Variants in STOX2 observed in about 807,000 individuals in gnomAD.
STOX2 encodes the protein storkhead box 2.
In STOX2, 28 loss-of-function variants were observed where a neutral mutation model predicts 60.9. The observed-to-expected ratio is 0.46, with a 90% confidence interval of 0.34 to 0.63. The LOEUF (loss-of-function observed/expected upper bound fraction) is 0.63, where lower values mean the gene tolerates loss of function less well. STOX2 is among the 30% of genes least tolerant of loss of function. STOX2 has a pLI of 0.01. For synonymous variants in STOX2, 472 were observed against 463.9 expected, an observed-to-expected ratio of 1.02 and a Z score of -0.22; for missense variants, 1,024 against 1,187.7, an observed-to-expected ratio of 0.86 and a Z score of 2.03.
chr4:183,993,317 C>T (rs1037218440), intron 1 of STOX2, among the ~76,000 whole-genome samples: 5 of 152,230 alleles, frequency 3.3e-5, no homozygotes, highest in African/African-American at 1.2e-4. Context: ...TAATTCGTTA[C>T]TTCACATAGT....
At chr4:183,933,110 T>C (rs1355224454) in intron 1 of STOX2, among the ~76,000 whole-genome samples, 1 of 152,238 alleles carries the variant, frequency 6.6e-6, no homozygotes, top group Non-Finnish European at 1.5e-5. Context: ...AGCCAGTGTT[T>C]ACATTTTTAA....
At chr4:184,006,425 G>A (rs1006900267) in intron 2 of STOX2, among the ~76,000 whole-genome samples, 13 of 152,018 alleles carry the variant, frequency 8.6e-5, no homozygotes, top group Admixed American at 2.6e-4. Flanking sequence ...GGTATATTCC[G>A]TGTCAGTGGT....
At chr4:183,930,618 A>G (rs1012792511) in intron 1 of STOX2, among the ~76,000 whole-genome samples, 26 of 151,784 alleles carry the variant, frequency 1.7e-4, no homozygotes, top group African/African-American at 6.1e-4. Flanking sequence ...TCAGCCTCCC[A>G]AAGTGCTGAG....
intron 1 of STOX2, among the ~76,000 whole-genome samples, chr4:183,918,670 A>T (rs1005466912): frequency 6.6e-6 from 1 of 152,214 alleles, no homozygotes; most frequent in East Asian, 1.9e-4. Context: ...CGGTGAGTTT[A>T]TAAAAGTAGT....
rs566985652 is a variant in STOX2 at position 183,827,006 on chromosome 4, G to A, written c.364+28951G>A. Among the ~76,000 whole-genome samples, 17 of 152,290 alleles carry A rather than the reference G, an allele frequency of 1.1e-4. No homozygotes were observed. In the South Asian group the frequency reaches 3.3e-3, roughly 30 times the overall value. ...TGACCTATTTAATCTTCTCAACAGA[G>A]CTTTGAGGTATTGGCTGTCATTAAC... On this transcript the variant is annotated intron_variant, in intron 1 of 2. Transcript: ENST00000513034.
At chr4:183,990,729 G>A (rs559818925) in intron 1 of STOX2, among the ~76,000 whole-genome samples, 11 of 151,616 alleles carry the variant, frequency 7.3e-5, no homozygotes, top group African/African-American at 2.7e-4. Context: ...AGTTGTGATG[G>A]TTCTTACCCT....
chr4:183,963,234 G>T (rs1157296747), intron 1 of STOX2, among the ~76,000 whole-genome samples: 2 of 152,004 alleles, frequency 1.3e-5, no homozygotes, highest in African/African-American at 4.8e-5. Flanking sequence ...GACAGTATTT[G>T]TTACCCCCAA....
At chr4:183,863,227 C>T (rs1740490837) in intron 1 of STOX2, among the ~76,000 whole-genome samples, 1 of 152,166 alleles carries the variant, frequency 6.6e-6, no homozygotes, top group Non-Finnish European at 1.5e-5. Flanking sequence ...GCTGTAAAGC[C>T]TCTGAGAAGC....
rs150042023 is a variant in STOX2 at position 183,977,162 on chromosome 4, C to CAGTATAATAGGT, written c.167-24145_167-24134dup. 2.0e-5 allele frequency among the ~76,000 whole-genome samples: 3 copies of CAGTATAATAGGT among 151,958 alleles called. No individual in the cohort carries two copies. In the East Asian group the frequency reaches 5.8e-4, roughly 29 times the overall value. ...AACAGTGTACATTGTACCCAATAGG[C>CAGTATAATAGGT]AGTATAATAGGTAGTATAATAGGTA... On this transcript the variant is annotated intron_variant, in intron 1 of 3. Transcript: ENST00000308497.
chr4:183,951,009 A>T (rs1000796306), intron 1 of STOX2, among the ~76,000 whole-genome samples: 13 of 151,720 alleles, frequency 8.6e-5, no homozygotes, highest in African/African-American at 2.4e-4. Flanking sequence ...AGGTCAGGAG[A>T]TCGAGACCAT....
At chr4:183,945,233 A>G (rs1321980602) in intron 1 of STOX2, among the ~76,000 whole-genome samples, 3 of 152,182 alleles carry the variant, frequency 2.0e-5, no homozygotes, top group Admixed American at 6.5e-5. Flanking sequence ...TATTTTAAAA[A>G]TTTCTCCAAA....
At chr4:183,828,228 G>T (rs143924907) in intron 1 of STOX2, among the ~76,000 whole-genome samples, 50 of 152,338 alleles carry the variant, frequency 3.3e-4, no homozygotes, top group Middle Eastern at 3.4e-3. Context: ...CCAGCTGGCT[G>T]TGATGACAGG....
rs184113623 is a variant in STOX2 at position 183,938,616 on chromosome 4, C to T, written c.166+31660C>T. Among the ~76,000 whole-genome samples the T allele has an allele frequency of 5.5e-3, 738 of 133,422 alleles. 3 individuals are homozygous for T. Among genetic ancestry groups the T allele is most frequent in the Non-Finnish European group, 7.7e-3 (505 of 65,934 alleles). The allele number at this position is 133,422 out of a possible 152,430, so 87.5% of individuals were successfully genotyped here. On this transcript the variant is annotated intron_variant, in intron 1 of 3. Transcript: ENST00000308497. ...CCCAGGAGGCGGAGGCTGCAGTGAGCGGAGATGGTGCCACTGCACTCCAAC... is the reference window on the plus strand; with the variant it reads ...CCCAGGAGGCGGAGGCTGCAGTGAGTGGAGATGGTGCCACTGCACTCCAAC...
chr4:183,842,840 T>G (rs1194612410), intron 1 of STOX2, among the ~76,000 whole-genome samples: 1 of 152,156 alleles, frequency 6.6e-6, no homozygotes, highest in Non-Finnish European at 1.5e-5. Context: ...ATTCTTTTTT[T>G]TTTTTTTTGA....
chr4:183,859,884 A>G (rs892836), intron 1 of STOX2, among the ~76,000 whole-genome samples: 75,911 of 151,914 alleles, frequency 0.5, 19,888 homozygotes, highest in Non-Finnish European at 0.6. Flanking sequence ...TCTGTATATT[A>G]GGATTTGTTC....
At chr4:183,973,832 A>G (rs753559137) in intron 1 of STOX2, among the ~76,000 whole-genome samples, 25 of 152,166 alleles carry the variant, frequency 1.6e-4, no homozygotes, top group Admixed American at 6.5e-5. Context: ...CATCTCTACT[A>G]AAAATACAAA....
rs561205415 is a variant in STOX2, at chr4:183,891,793, A to G, written c.364+93738A>G. On this transcript the variant is annotated intron_variant, in intron 1 of 2. Transcript: ENST00000513034. ...ATTCATCATTTTTAAAAAAATCAAT[A>G]AATAAAATGAAAATTTAAAAAAAAG... is the stretch of plus-strand genomic sequence containing the variant. 1.7e-4 allele frequency among the ~76,000 whole-genome samples: 26 copies of G among 152,184 alleles called. 1 individual carries two copies. Among genetic ancestry groups the G allele is most frequent in the Middle Eastern group, 6.8e-3 (2 of 294 alleles).
intron 1 of STOX2, among the ~76,000 whole-genome samples, chr4:183,845,190 A>C (rs1031004077): frequency 6.6e-6 from 1 of 152,196 alleles, no homozygotes; most frequent in Non-Finnish European, 1.5e-5. Context: ...GTGGTACAGG[A>C]GTCCAGAAGA....
At chr4:183,971,284 G>A (rs143050990) in intron 1 of STOX2, among the ~76,000 whole-genome samples, 1 of 152,308 alleles carries the variant, frequency 6.6e-6, no homozygotes, top group Non-Finnish European at 1.5e-5. Flanking sequence ...CAGGGCTAAG[G>A]TGAGTTTTTG....
Sources: gnomAD v4.1 joint callset for allele counts (sites outside exome capture counted in the v4.1 genomes callset) on GRCh38, gnomAD v4.1.1 for gene constraint, MANE v1.5 for transcripts, NCBI Gene and HGNC (gene_info 2026-07-23, HGNC 2026-07-21) for gene names.